Variants in COG5 observed in about 807,000 individuals in gnomAD.
COG5 encodes conserved oligomeric Golgi complex subunit 5.
Under a neutral mutation model 110.4 loss-of-function variants are expected in COG5, and 86 were observed. The observed-to-expected ratio is 0.78, with a 90% CI of 0.65 to 0.93. COG5 has a LOEUF of 0.93. Among genes scored for constraint, COG5 ranks in the 40% least tolerant of loss-of-function variants. COG5 has a pLI of 0.00. For missense variants in COG5, 1,077 were observed against 987.0 expected, an observed-to-expected ratio of 1.09 and a Z score of -1.22; for synonymous variants, 360 against 334.6, an observed-to-expected ratio of 1.08 and a Z score of -0.83.
chr7:107,356,876 T>G (rs1381228629), intron 10 of COG5, among the ~76,000 whole-genome samples: 1 of 152,174 alleles, frequency 6.6e-6, no homozygotes, highest in Non-Finnish European at 1.5e-5. Flanking sequence ...TCAGGATATA[T>G]CCTTCTTAAA....
intron 6 of COG5, among the ~76,000 whole-genome samples, chr7:107,506,611 G>A (rs74995252): frequency 0.02 from 3,016 of 152,128 alleles, 46 homozygotes; most frequent in Non-Finnish European, 0.031. Context: ...CCAGCTCCCC[G>A]CATACTTCGC....
At chr7:107,533,821 C>A (rs12669098) in intron 5 of COG5, among the ~76,000 whole-genome samples, 1 of 151,484 alleles carries the variant, frequency 6.6e-6, no homozygotes. Flanking sequence ...GAGAAGACCA[C>A]TAAGATACTC....
intron 2 of COG5, among the ~76,000 whole-genome samples, chr7:107,555,244 G>C (rs1803221595): frequency 1.3e-5 from 2 of 152,182 alleles, no homozygotes; most frequent in East Asian, 1.9e-4. Flanking sequence ...GGTTACTAAA[G>C]GCGACATGCA....
chr7:107,421,417 C>G (rs969590085), intron 6 of COG5, among the ~76,000 whole-genome samples: 1 of 152,204 alleles, frequency 6.6e-6, no homozygotes, highest in African/African-American at 2.4e-5. Context: ...CTCAACTACA[C>G]ATGGAACATT....
intron 5 of COG5, among the ~76,000 whole-genome samples, chr7:107,545,193 G>C (rs1329888722): frequency 6.6e-6 from 1 of 152,156 alleles, no homozygotes; most frequent in Non-Finnish European, 1.5e-5. Context: ...AAGGAGCAGA[G>C]AGAGAAGAAA....
In COG5 at chr7:107,467,010, G is replaced by C. The variant is rs1296804840; in HGVS notation, c.539-54378C>G. Among the ~76,000 whole-genome samples, 3 of 152,100 alleles carry C rather than the reference G, an allele frequency of 2.0e-5. 1 individual carries two copies. The highest frequency in any genetic ancestry group is 4.1e-4 in the South Asian group (2 of 4,828). The stretch of plus-strand genomic sequence containing the variant: ...GGGTAAGAATGATTTGATATGAATA[G>C]TACAATGTAAATATACAATAAATTA... On this transcript the variant is annotated intron_variant, in intron 6 of 21. Coordinates refer to ENST00000297135, the MANE Select transcript of COG5 (RefSeq NM_006348.5).
chr7:107,430,302 A>T (rs1793934331), intron 6 of COG5, among the ~76,000 whole-genome samples: 1 of 152,210 alleles, frequency 6.6e-6, no homozygotes, highest in African/African-American at 2.4e-5. Flanking sequence ...ATTCTTTTGC[A>T]TGTAGACACT....
At chr7:107,284,611 A>G (rs1392026627) in intron 12 of COG5, among the ~76,000 whole-genome samples, 2 of 152,200 alleles carry the variant, frequency 1.3e-5, no homozygotes, top group Non-Finnish European at 2.9e-5. Flanking sequence ...GTGGAGTTCT[A>G]TGCTACTTTG....
At chr7:107,209,061 C>G (rs1798974899) in intron 21 of COG5, 1 of 984,696 alleles carries the variant, frequency 1.0e-6, no homozygotes, top group Admixed American at 6.1e-5. Flanking sequence ...GTAAATGATT[C>G]TTGTGTGCAC....
chr7:107,500,705 T>C (rs1798579838), intron 6 of COG5, among the ~76,000 whole-genome samples: 1 of 152,168 alleles, frequency 6.6e-6, no homozygotes, highest in South Asian at 2.1e-4. Context: ...ATGTCATCAG[T>C]ATGTATCTTC....
intron 7 of COG5, among the ~76,000 whole-genome samples, chr7:107,404,597 T>A (rs1192743554): frequency 6.6e-6 from 1 of 152,018 alleles, no homozygotes; most frequent in Non-Finnish European, 1.5e-5. Flanking sequence ...GAACGACTAA[T>A]AGAAAGCTTG....
At chr7:107,503,402 C>T (rs1196061457) in intron 6 of COG5, among the ~76,000 whole-genome samples, 2 of 152,058 alleles carry the variant, frequency 1.3e-5, no homozygotes, top group Admixed American at 6.6e-5. Context: ...TAACTGTATA[C>T]AGCCTTGTAG....
intron 6 of COG5, among the ~76,000 whole-genome samples, chr7:107,506,707 G>A (rs1462613396): frequency 6.6e-6 from 1 of 152,150 alleles, no homozygotes; most frequent in African/African-American, 2.4e-5. Context: ...CAAGCCATAT[G>A]CCTTCCCTGC....
At chr7:107,400,194 C>G (rs1791322079) in intron 7 of COG5, among the ~76,000 whole-genome samples, 1 of 152,050 alleles carries the variant, frequency 6.6e-6, no homozygotes, top group African/African-American at 2.4e-5. Context: ...TATAAAGATA[C>G]TTCCATAAGT....
At chr7:107,371,301 A>G (rs537457628) in intron 8 of COG5, among the ~76,000 whole-genome samples, 1 of 152,284 alleles carries the variant, frequency 6.6e-6, no homozygotes, top group Non-Finnish European at 1.5e-5. Context: ...CAAATATAAA[A>G]ATAATAGGCC....
At chr7:107,374,851 A>G (rs969191665) in intron 7 of COG5, among the ~76,000 whole-genome samples, 2 of 152,028 alleles carry the variant, frequency 1.3e-5, no homozygotes, top group African/African-American at 4.8e-5. Flanking sequence ...AGATTATGCC[A>G]GTAAAAAAAC....
chr7:107,548,272 C>T lies in COG5; in HGVS notation c.347+6G>A, dbSNP rs1313741991. 6 of 1,610,224 alleles carry T rather than the reference C, an allele frequency of 3.7e-6. No homozygotes were observed. The highest frequency in any genetic ancestry group is 5.1e-6 in the Non-Finnish European group (6 of 1,176,706). ...TTCCATTTATTTATAAAATTAAGAACAGTACCTATCAACAGCTCCCTGTAA... is the reference window on the plus strand; with the variant it reads ...TTCCATTTATTTATAAAATTAAGAATAGTACCTATCAACAGCTCCCTGTAA... On this transcript the variant is annotated splice_donor_region_variant and intron_variant, in intron 4 of 21. Coordinates refer to ENST00000297135, the MANE Select transcript of COG5 (RefSeq NM_006348.5).
chr7:107,339,979 C>T (rs748461199), intron 10 of COG5, among the ~76,000 whole-genome samples: 3 of 151,480 alleles, frequency 2.0e-5, no homozygotes, highest in Non-Finnish European at 4.4e-5. Flanking sequence ...AACAAAGAAA[C>T]TAACTAACCC....
At chr7:107,340,119 T>C (rs892491817) in intron 10 of COG5, among the ~76,000 whole-genome samples, 8 of 151,896 alleles carry the variant, frequency 5.3e-5, no homozygotes, top group African/African-American at 1.5e-4. Flanking sequence ...ACAAGGCTGA[T>C]AGACCACTAG....
Sources: allele counts gnomAD v4.1 joint callset (sites outside exome capture counted in the v4.1 genomes callset), GRCh38; gene constraint gnomAD v4.1.1; transcripts MANE v1.5; gene names NCBI Gene and HGNC (gene_info 2026-07-23, HGNC 2026-07-21).